Variants in TTC3 observed in about 807,000 individuals in gnomAD.
TTC3 encodes the protein E3 ubiquitin-protein ligase TTC3.
TTC3 carries 180 observed loss-of-function variants against 249.6 expected under a neutral mutation model. The observed-to-expected ratio is 0.72, with a 90% confidence interval of 0.64 to 0.82. The LOEUF (loss-of-function observed/expected upper bound fraction) is 0.82, where lower values mean the gene tolerates loss of function less well. Ranked by LOEUF, TTC3 falls within the 40% of genes least tolerant of loss-of-function variation. The pLI is 0.00. For missense variants in TTC3, 2,061 were observed against 2,398.4 expected, an observed-to-expected ratio of 0.86 and a Z score of 2.94; for synonymous variants, 717 against 805.0, an observed-to-expected ratio of 0.89 and a Z score of 1.85.
At chr21:37,099,311 AAC>A (rs1406685539) in intron 10 of TTC3, among the ~76,000 whole-genome samples, 1 of 152,204 alleles carries the variant, frequency 6.6e-6, no homozygotes, top group African/African-American at 2.4e-5. Flanking sequence ...TAACTCGTAA[AAC>A]CATCACAACT....
chr21:37,094,518 T>TC (rs2147712830), intron 8 of TTC3, among the ~76,000 whole-genome samples: 1 of 152,344 alleles, frequency 6.6e-6, no homozygotes, highest in South Asian at 2.1e-4. Flanking sequence ...TTTAGTTTTT[T>TC]CTCTAGCACC....
At chr21:37,176,369 C>T (rs532433365) in intron 35 of TTC3, among the ~76,000 whole-genome samples, 2 of 152,340 alleles carry the variant, frequency 1.3e-5, no homozygotes, top group Admixed American at 6.5e-5. Context: ...TAATCAGTCA[C>T]TCCCTATCTG....
At chr21:37,082,341 GT>G (rs35778802) in intron 1 of TTC3, 10 of 278,950 alleles carry the variant, frequency 3.6e-5, no homozygotes, top group Non-Finnish European at 4.3e-5. Flanking sequence ...TTGCTTTTTT[GT>G]TTTTTTTTCT....
intron 12 of TTC3, among the ~76,000 whole-genome samples, chr21:37,122,438 T>A (rs374158083): frequency 0.014 from 764 of 55,170 alleles, 16 homozygotes; most frequent in African/African-American, 0.059. Context: ...ATATATATAT[T>A]ATATATATAT....
At chr21:37,145,432 C>T (rs1217160781) in intron 21 of TTC3, among the ~76,000 whole-genome samples, 2 of 152,192 alleles carry the variant, frequency 1.3e-5, no homozygotes, top group African/African-American at 4.8e-5. Flanking sequence ...ATCAAAACCA[C>T]AGTGAGATAC....
At chr21:37,076,694 A>ATTTTTTT (rs61629167) in intron 1 of TTC3, among the ~76,000 whole-genome samples, 5,728 of 94,604 alleles carry the variant, frequency 0.061, 545 homozygotes, top group Non-Finnish European at 0.087. Flanking sequence ...AAACAAAGGG[A>ATTTTTTT]TTTTTTTTTT....
intron 11 of TTC3, among the ~76,000 whole-genome samples, chr21:37,117,844 A>G (rs917581335): frequency 6.6e-6 from 1 of 150,600 alleles, no homozygotes; most frequent in Non-Finnish European, 1.5e-5. Context: ...TCAAAAAAAA[A>G]AAAAAAAAAG....
At chr21:37,123,178 G>C (rs538866867) in intron 13 of TTC3, 150 bp downstream of exon 13, 1 of 745,622 alleles carries the variant, frequency 1.3e-6, no homozygotes. Context: ...TTAAGTGTCC[G>C]TGTTATCAGG....
chr21:37,126,403 T>C (rs2077047080), intron 15 of TTC3, among the ~76,000 whole-genome samples: 1 of 152,218 alleles, frequency 6.6e-6, no homozygotes, highest in African/African-American at 2.4e-5. Flanking sequence ...GTCTGCTTCT[T>C]AATTTTTTTT....
At chr21:37,131,891 C>T (rs1450939757) in intron 16 of TTC3, among the ~76,000 whole-genome samples, 2 of 152,180 alleles carry the variant, frequency 1.3e-5, no homozygotes, top group African/African-American at 4.8e-5. Flanking sequence ...GATTTTCTTA[C>T]TCTCACCAAC....
chr21:37,132,536 C>T, intron 16 of TTC3, 146 bp from the exon 17 acceptor site: 2 of 416,854 alleles, frequency 4.8e-6, no homozygotes, highest in Non-Finnish European at 8.7e-6. Flanking sequence ...TGGTCTCGAA[C>T]ACCTAACCTC....
chr21:37,144,697 T>G, intron 21 of TTC3, 52 bp downstream of exon 21: 1 of 1,572,700 alleles, frequency 6.4e-7, no homozygotes, highest in Non-Finnish European at 8.6e-7. Flanking sequence ...TTATCTGCAT[T>G]GACTGACTCA....
In TTC3 at chr21:37,122,419, A is replaced by T. The variant is rs199973311; in HGVS notation, c.1063+440A>T. ...CAGCGTGCTGAATATATATATATAT[A>T]ATATATATATATATATATTATATAT... is the stretch of plus-strand genomic sequence containing the variant. On this transcript the variant is annotated intron_variant, in intron 12 of 45. Coordinates refer to ENST00000355666, the Ensembl canonical transcript of TTC3. 2.3e-3 allele frequency among the ~76,000 whole-genome samples: 86 copies of T among 38,012 alleles called. 1 individual carries two copies. Among genetic ancestry groups the T allele is most frequent in the Middle Eastern group, 0.027 (2 of 74 alleles). 24.9% of individuals were successfully genotyped at this position (38,012 alleles called of 152,430 possible).
intron 13 of TTC3, among the ~76,000 whole-genome samples, chr21:37,124,112 C>T (rs370640431): frequency 3.5e-3 from 215 of 61,196 alleles, no homozygotes; most frequent in African/African-American, 4.4e-3. Context: ...TTGAACTGTT[C>T]TTTTTTTTTT....
intron 38 of TTC3, 62 bp from the exon 39 acceptor site, chr21:37,188,433 C>A: frequency 7.5e-7 from 1 of 1,336,396 alleles, no homozygotes; most frequent in African/African-American, 1.4e-5. Context: ...AAGTTTTAAC[C>A]TTTAAAATAG....
intron 8 of TTC3, among the ~76,000 whole-genome samples, chr21:37,095,135 ATATGTGTGTG>A (rs1488204095): frequency 1.3e-5 from 1 of 76,670 alleles, no homozygotes; most frequent in Non-Finnish European, 3.3e-5. Flanking sequence ...GTCTCTAAAA[ATATGTGTGTG>A]TGTGTGTGTG....
At chr21:37,162,686 C>T (rs2080875319) in intron 31 of TTC3, among the ~76,000 whole-genome samples, 1 of 150,062 alleles carries the variant, frequency 6.7e-6, no homozygotes, top group Admixed American at 6.6e-5. Context: ...TTCATGGATT[C>T]TTTAAGTAGG....
intron 40 of TTC3, among the ~76,000 whole-genome samples, 198 bp downstream of exon 40, chr21:37,191,622 A>C (rs1311206813): frequency 6.6e-6 from 1 of 152,158 alleles, no homozygotes; most frequent in African/African-American, 2.4e-5. Context: ...CTTGTTGCCC[A>C]GGCTGGAGTG....
Position 37,122,968 on chromosome 21 carries a change from T to A in TTC3, c.1064-15T>A, listed in dbSNP as rs1160169077. 5 of 1,461,304 alleles carry A rather than the reference T, an allele frequency of 3.4e-6. No individual in the cohort carries two copies. Among genetic ancestry groups the A allele is most frequent in the Admixed American group, 4.5e-5 (2 of 44,730 alleles). 90.5% of individuals were successfully genotyped at this position (1,461,304 alleles called of 1,614,324 possible). On this transcript the variant is annotated splice_polypyrimidine_tract_variant and intron_variant, in intron 12 of 45. Coordinates refer to ENST00000355666, the Ensembl canonical transcript of TTC3. ...ATTGATTACTATGTGTGTGTGTGTGTGATGACTTTTATAGGTCGAACAGCA... is the reference window on the plus strand; with the variant it reads ...ATTGATTACTATGTGTGTGTGTGTGAGATGACTTTTATAGGTCGAACAGCA...
Sources: gnomAD v4.1 joint callset for allele counts (sites outside exome capture counted in the v4.1 genomes callset) on GRCh38, gnomAD v4.1.1 for gene constraint, MANE v1.5 for transcripts, NCBI Gene and HGNC (gene_info 2026-07-23, HGNC 2026-07-21) for gene names.